Variants in SRPK2 observed in about 807,000 individuals in gnomAD.
SRPK2 encodes SRSF protein kinase 2.
Under a neutral mutation model 90.8 loss-of-function variants are expected in SRPK2, and 21 were observed. The ratio of observed to expected loss-of-function variants is 0.23; its 90% CI spans 0.16 to 0.33. The LOEUF (loss-of-function observed/expected upper bound fraction) is 0.33, where lower values mean the gene tolerates loss of function less well. Among genes scored for constraint, SRPK2 ranks in the 10% least tolerant of loss-of-function variants. The pLI, the probability that SRPK2 is intolerant of heterozygous loss-of-function variation, is 1.00. For synonymous variants in SRPK2, 288 were observed against 311.1 expected (o/e 0.93, Z 0.78); for missense variants, 620 against 869.0 (o/e 0.71, Z 3.60).
intron 13 of SRPK2, among the ~76,000 whole-genome samples, chr7:105,128,437 A>G (rs1801518969): frequency 6.6e-6 from 1 of 152,142 alleles, no homozygotes; most frequent in Non-Finnish European, 1.5e-5. Context: ...CAAAGAAGAC[A>G]GTTGGGCCAA....
chr7:105,388,985 C>G (rs1194107974), upstream of SRPK2: 3 of 1,051,994 alleles, frequency 2.9e-6, no homozygotes, highest in Non-Finnish European at 3.4e-6. Flanking sequence ...TCCGGCCCCG[C>G]CCCCGCCCCG....
chr7:105,380,510 A>T (rs1448332215), intron 2 of SRPK2, among the ~76,000 whole-genome samples: 1 of 146,586 alleles, frequency 6.8e-6, no homozygotes, highest in Non-Finnish European at 1.5e-5. Context: ...ACCCTAAATT[A>T]ACATGCTAAA....
intron 7 of SRPK2, among the ~76,000 whole-genome samples, chr7:105,147,741 T>C (rs1296809156): frequency 6.6e-6 from 1 of 152,266 alleles, no homozygotes; most frequent in Admixed American, 6.5e-5. Flanking sequence ...ATCTACTTGC[T>C]GATTCTGGAC....
At chr7:105,187,041 A>C (rs1017768670) in intron 3 of SRPK2, among the ~76,000 whole-genome samples, 5 of 152,234 alleles carry the variant, frequency 3.3e-5, no homozygotes, top group African/African-American at 9.6e-5. Flanking sequence ...AGCAATGGGC[A>C]AGCCATCCCA....
chr7:105,122,916 T>C (rs1424151177), intron 15 of SRPK2, among the ~76,000 whole-genome samples: 1 of 151,930 alleles, frequency 6.6e-6, no homozygotes, highest in Admixed American at 6.6e-5. Context: ...CATTTGATAA[T>C]CCCATTATCC....
chr7:105,142,600 C>G, intron 10 of SRPK2, 110 bp from the exon 11 acceptor site: 1 of 1,409,320 alleles, frequency 7.1e-7, no homozygotes, highest in Non-Finnish European at 9.4e-7. Context: ...TTATGTACCA[C>G]CTGGTAAACA....
intron 1 of SRPK2, among the ~76,000 whole-genome samples, chr7:105,396,842 A>G (rs371086840): frequency 1.4e-5 from 2 of 147,940 alleles, no homozygotes; most frequent in Non-Finnish European, 3.0e-5. Context: ...GAGAGAAAGA[A>G]ATAGAGGGAG....
At chr7:105,171,678 G>C (rs776926566) in intron 3 of SRPK2, among the ~76,000 whole-genome samples, 1 of 152,156 alleles carries the variant, frequency 6.6e-6, no homozygotes, top group Non-Finnish European at 1.5e-5. Context: ...CAGATACTGA[G>C]TTCGTGAGAT....
At chr7:105,295,453 T>C (rs1809685282) in intron 2 of SRPK2, among the ~76,000 whole-genome samples, 1 of 152,150 alleles carries the variant, frequency 6.6e-6, no homozygotes, top group Admixed American at 6.6e-5. Flanking sequence ...CAATGGAGTA[T>C]TATTCAGCCA....
chr7:105,236,157 G>A lies in SRPK2; in HGVS notation c.72-32372C>T, dbSNP rs562331990. Among the ~76,000 whole-genome samples, 5 of 152,268 alleles carry A rather than the reference G, an allele frequency of 3.3e-5. 1 individual carries two copies. Among genetic ancestry groups the A allele is most frequent in the African/African-American group, 1.2e-4 (5 of 41,554 alleles). ...AGGTGCCTTCCTAACAAGTACTCAGGTGCTGCAGATGCCACACTCTGATCT... is the reference window on the plus strand; with the variant it reads ...AGGTGCCTTCCTAACAAGTACTCAGATGCTGCAGATGCCACACTCTGATCT... On this transcript the variant is annotated intron_variant, in intron 2 of 15. Transcript: ENST00000393651.
intron 2 of SRPK2, among the ~76,000 whole-genome samples, chr7:105,205,541 A>T (rs1417331301): frequency 7.3e-5 from 10 of 136,632 alleles, no homozygotes; most frequent in African/African-American, 1.4e-4. Flanking sequence ...ACACACACAC[A>T]CACACACACA....
intron 2 of SRPK2, among the ~76,000 whole-genome samples, chr7:105,376,882 T>C (rs1221505940): frequency 1.7e-5 from 2 of 121,000 alleles, no homozygotes; most frequent in Non-Finnish European, 1.7e-5. Flanking sequence ...TTTTCTCCTT[T>C]ACACACACAC....
intron 2 of SRPK2, among the ~76,000 whole-genome samples, chr7:105,287,837 C>T (rs1249012028): frequency 6.6e-6 from 1 of 152,120 alleles, no homozygotes; most frequent in Non-Finnish European, 1.5e-5. Flanking sequence ...TTTATTTGCA[C>T]TTTAATTTTT....
chr7:105,121,773 G>T (rs140079335), intron 15 of SRPK2, among the ~76,000 whole-genome samples: 2 of 152,340 alleles, frequency 1.3e-5, no homozygotes, highest in Admixed American at 1.3e-4. Context: ...TCCTTCTAAG[G>T]AAACAGGGAA....
Position 105,302,218 on chromosome 7 carries a change from G to T in SRPK2, c.71+86430C>A, listed in dbSNP as rs1265083393. On this transcript the variant is annotated intron_variant, in intron 2 of 15. Transcript: ENST00000393651. ...TTTTGTATGTTTCTTACATTAAAAA[G>T]GTTGTAAGTTGAAAGTTCATGAAGA... 44 of 733,780 alleles carry T rather than the reference G, an allele frequency of 6.0e-5. No individual in the cohort carries two copies. In the East Asian group the frequency reaches 1.1e-3, roughly 18 times the overall value. The allele number at this position is 733,780 out of a possible 1,614,324, so 45.5% of individuals were successfully genotyped here.
At chr7:105,228,811 T>G (rs1193020827) in intron 2 of SRPK2, among the ~76,000 whole-genome samples, 2 of 152,206 alleles carry the variant, frequency 1.3e-5, no homozygotes, top group Non-Finnish European at 2.9e-5. Flanking sequence ...CTTGTTCCCG[T>G]GTTGGCGCCT....
intron 2 of SRPK2, among the ~76,000 whole-genome samples, chr7:105,247,946 C>T (rs11973742): frequency 0.18 from 27,508 of 151,504 alleles, 3,150 homozygotes; most frequent in East Asian, 0.58. Context: ...CCTCCACCTC[C>T]CGGGTTCAAG....
At chr7:105,293,557 C>G (rs1809364789) in intron 2 of SRPK2, among the ~76,000 whole-genome samples, 1 of 151,648 alleles carries the variant, frequency 6.6e-6, no homozygotes, top group Non-Finnish European at 1.5e-5. Flanking sequence ...GTAGCTGGGA[C>G]TACAGGAACC....
intron 7 of SRPK2, among the ~76,000 whole-genome samples, chr7:105,156,410 T>C (rs906929782): frequency 3.3e-5 from 5 of 152,250 alleles, no homozygotes; most frequent in South Asian, 2.1e-4. Context: ...ACCTGGCACA[T>C]AGTAAGCACT....
Sources: allele counts gnomAD v4.1 joint callset (sites outside exome capture counted in the v4.1 genomes callset), GRCh38; gene constraint gnomAD v4.1.1; transcripts MANE v1.5; gene names NCBI Gene and HGNC (gene_info 2026-07-23, HGNC 2026-07-21).